The following TLL2 variants were observed in gnomAD, a reference collection of about 807,000 sequenced individuals.
The protein encoded by TLL2 is tolloid-like protein 2.
TLL2 carries 106 observed loss-of-function variants against 123.0 expected under a neutral mutation model. That is an observed-to-expected ratio of 0.86 (90% CI 0.74 to 1.01). TLL2 has a LOEUF of 1.01. TLL2 is among the 50% of genes least tolerant of loss of function. TLL2 has a pLI of 0.00. For synonymous variants in TLL2, 494 were observed against 516.8 expected (o/e 0.96, Z 0.60); for missense variants, 1,332 against 1,336.7 (o/e 1.00, Z 0.06).
At chr10:96,398,865 A>ATTT (rs1367544244) in intron 10 of TLL2, among the ~76,000 whole-genome samples, 1 of 115,184 alleles carries the variant, frequency 8.7e-6, no homozygotes, top group Non-Finnish European at 1.9e-5. Flanking sequence ...TGATGAAAAT[A>ATTT]TTCTTTTTTT....
chr10:96,395,190 T>A lies in TLL2; in HGVS notation c.1723A>T (p.Lys575Ter), dbSNP rs1437345755. ...NKAGFAANFF[K>*]EVDECSWPDH... ...GAAACAAACTGCTAATTCATACCCT[T>A]GAAAAAATTGGCTGCAAAGCCCGCT... is the stretch of plus-strand genomic sequence containing the variant. Residue 575 changes from lysine to a stop codon, truncating the protein, a stop_gained, in exon 13 of 21, where the codon AAG becomes TAG. Coordinates refer to ENST00000357947, the MANE Select transcript of TLL2 (RefSeq NM_012465.4). LOFTEE classifies it high-confidence loss of function. The A allele has an allele frequency of 1.2e-6, 2 of 1,603,214 alleles. No homozygotes were observed. The highest frequency in any genetic ancestry group is 1.7e-6 in the Non-Finnish European group (2 of 1,175,122).
At chr10:96,435,638 A>G (rs928639485) in intron 3 of TLL2, among the ~76,000 whole-genome samples, 7 of 152,176 alleles carry the variant, frequency 4.6e-5, no homozygotes, top group African/African-American at 1.7e-4. Context: ...ATTTTTGTAT[A>G]TGGTGTGAGG....
chr10:96,451,052 T>C (rs1385769642), intron 2 of TLL2, among the ~76,000 whole-genome samples: 1 of 152,186 alleles, frequency 6.6e-6, no homozygotes, highest in African/African-American at 2.4e-5. Flanking sequence ...GCTCCCGGCC[T>C]GTTCAAGCTC....
At position 96,513,744 on chromosome 10, in the gene TLL2, GA is replaced by G; in HGVS notation, c.-60del. On this transcript the variant is annotated 5_prime_UTR_variant, in exon 1 of 21. Coordinates refer to ENST00000357947, the MANE Select transcript of TLL2 (RefSeq NM_012465.4). ...GCGTGCACGAAAGCTCAGCTCGGCCGAAAGACGGCGCACACTGGGTCGGTCG... is the reference window on the plus strand; with the variant it reads ...GCGTGCACGAAAGCTCAGCTCGGCCGAAGACGGCGCACACTGGGTCGGTCG... 1 of 1,424,608 alleles carries G rather than the reference GA, an allele frequency of 7.0e-7. No homozygotes were observed. The highest frequency in any genetic ancestry group is 1.4e-5 in the South Asian group (1 of 68,976). 88.2% of individuals were successfully genotyped at this position (1,424,608 alleles called of 1,614,324 possible).
At chr10:96,428,773 A>G in intron 4 of TLL2, 25 bp from the exon 5 acceptor site, 1 of 1,451,816 alleles carries the variant, frequency 6.9e-7, no homozygotes, top group South Asian at 1.2e-5. Context: ...CAAGCACTCG[A>G]CTTCAATGAT....
chr10:96,399,879 C>G (rs188612276), intron 10 of TLL2, among the ~76,000 whole-genome samples: 1 of 152,222 alleles, frequency 6.6e-6, no homozygotes, highest in African/African-American at 2.4e-5. Flanking sequence ...AGATGAACCA[C>G]GCACCACCCA....
At chr10:96,390,920 T>G (rs2134060526) in intron 13 of TLL2, among the ~76,000 whole-genome samples, 1 of 152,354 alleles carries the variant, frequency 6.6e-6, no homozygotes, top group Middle Eastern at 3.4e-3. Context: ...GATCTCTCAC[T>G]AATATTGTGT....
At chr10:96,382,824 C>A (rs1390055589) in intron 16 of TLL2, among the ~76,000 whole-genome samples, 1 of 152,214 alleles carries the variant, frequency 6.6e-6, no homozygotes, top group Non-Finnish European at 1.5e-5. Flanking sequence ...CTGTGGTACT[C>A]TGTCATAGCA....
At chr10:96,452,511 T>G (rs917681007) in intron 2 of TLL2, among the ~76,000 whole-genome samples, 1 of 152,224 alleles carries the variant, frequency 6.6e-6, no homozygotes, top group Non-Finnish European at 1.5e-5. Context: ...CTTCTTAATT[T>G]GCTGGGCCTT....
At chr10:96,459,685 A>ATATATAT (rs1847054457) in intron 2 of TLL2, among the ~76,000 whole-genome samples, 1 of 58,208 alleles carries the variant, frequency 1.7e-5, no homozygotes, top group Non-Finnish European at 3.6e-5. Flanking sequence ...AAAAAAAAAA[A>ATATATAT]AAAAAAAAAA....
intron 1 of TLL2, among the ~76,000 whole-genome samples, chr10:96,501,332 G>A (rs571916321): frequency 7.9e-5 from 12 of 152,148 alleles, no homozygotes; most frequent in African/African-American, 1.9e-4. Context: ...TCTCAGCTCC[G>A]GACCCCTCCC....
intron 10 of TLL2, 34 bp from the exon 11 acceptor site, chr10:96,397,336 T>A (rs371545041): frequency 2.7e-5 from 43 of 1,565,298 alleles, no homozygotes; most frequent in Non-Finnish European, 3.7e-5. Context: ...TTAGGAGCCC[T>A]GGGGACAGCA....
chr10:96,417,578 G>A (rs1185636122), intron 7 of TLL2, among the ~76,000 whole-genome samples: 1 of 152,168 alleles, frequency 6.6e-6, no homozygotes, highest in Non-Finnish European at 1.5e-5. Context: ...ACAGAATGTG[G>A]CAGAAGTGAT....
chr10:96,484,888 G>A (rs531781052), intron 1 of TLL2, among the ~76,000 whole-genome samples: 1 of 152,258 alleles, frequency 6.6e-6, no homozygotes, highest in Non-Finnish European at 1.5e-5. Context: ...TTTCCCCACA[G>A]AGGTCAAATA....
intron 2 of TLL2, among the ~76,000 whole-genome samples, chr10:96,457,275 G>C (rs1476291109): frequency 6.6e-6 from 1 of 152,116 alleles, no homozygotes; most frequent in African/African-American, 2.4e-5. Flanking sequence ...CTCAGGGAAA[G>C]CTCTTCCCAG....
rs1846255886 is a variant in TLL2 at position 96,388,204 on chromosome 10, C to G, written c.1727-1126G>C. ...GGATCACAAGGTCACAAGTTTGAGA[C>G]CAGCCTGGGCAACATGGTGAAACCC... On this transcript the variant is annotated intron_variant, in intron 13 of 20. Coordinates refer to ENST00000357947, the MANE Select transcript of TLL2 (RefSeq NM_012465.4). Among the ~76,000 whole-genome samples, 4 of 152,112 alleles carry G rather than the reference C, an allele frequency of 2.6e-5. No individual in the cohort carries two copies. In the South Asian group the frequency reaches 8.3e-4, roughly 32 times the overall value.
chr10:96,412,923 C>T (rs1204845043), intron 8 of TLL2, among the ~76,000 whole-genome samples: 1 of 152,180 alleles, frequency 6.6e-6, no homozygotes, highest in African/African-American at 2.4e-5. Flanking sequence ...GCCTTCTTCC[C>T]CTTCTGGACA....
In TLL2 at chr10:96,365,300, G is replaced by A. The variant is rs1846013705; in HGVS notation, c.*2788C>T. 1 of 152,224 alleles carries A rather than the reference G, an allele frequency of 6.6e-6. No individual in the cohort carries two copies. Among genetic ancestry groups the A allele is most frequent in the Admixed American group, 6.5e-5 (1 of 15,272 alleles). 9.4% of individuals were successfully genotyped at this position (152,224 alleles called of 1,614,324 possible). ...TAAATATTTACCTTAGAGGAAAATA[G>A]AGGGAATAGTGGATCAATGAACAGC... On this transcript the variant is annotated 3_prime_UTR_variant, in exon 21 of 21. Coordinates refer to ENST00000357947, the MANE Select transcript of TLL2 (RefSeq NM_012465.4).
Position 96,428,710 on chromosome 10 carries a change from A to C in TLL2, c.559T>G (p.Trp187Gly). 6.2e-7 allele frequency: 1 copy of C among 1,614,024 alleles called. No homozygotes were observed. The highest frequency in any genetic ancestry group is 1.1e-5 in the South Asian group (1 of 91,058). ...RAIFKQAMRH[W>G]EKHTCVTFIE... is the part of the protein sequence containing the mutation. ...AAGGTCACACAGGTGTGCTTCTCCC[A>C]GTGTCTCATGGCCTGCTTAAAAATG... The change falls in exon 5 of 21, where the codon TGG becomes GGG. Residue 187 changes from tryptophan to glycine, a missense_variant. Trp to Gly is a radical substitution (Grantham distance 184). Transcript: ENST00000357947.
Sources: allele counts gnomAD v4.1 joint callset (sites outside exome capture counted in the v4.1 genomes callset), GRCh38; gene constraint gnomAD v4.1.1; transcripts MANE v1.5; gene names NCBI Gene and HGNC (gene_info 2026-07-23, HGNC 2026-07-21).